Variants in CMSS1 observed in about 807,000 individuals in gnomAD.
The protein encoded by CMSS1 is protein CMSS1.
Under a neutral mutation model 43.5 loss-of-function variants are expected in CMSS1, and 33 were observed. The ratio of observed to expected loss-of-function variants is 0.76; its 90% CI spans 0.57 to 1.01. CMSS1 has a LOEUF of 1.01. Among genes scored for constraint, CMSS1 ranks in the 50% least tolerant of loss-of-function variants. The probability of loss-of-function intolerance (pLI) is 0.00; values close to 1 mark genes in which losing one functional copy is unlikely to be tolerated. For synonymous variants in CMSS1, 115 were observed against 117.2 expected (o/e 0.98, Z 0.12); for missense variants, 313 against 326.4 (o/e 0.96, Z 0.32).
At chr3:99,917,218 C>G (rs1301118620) in intron 1 of CMSS1, among the ~76,000 whole-genome samples, 1 of 152,136 alleles carries the variant, frequency 6.6e-6, no homozygotes, top group South Asian at 2.1e-4. Flanking sequence ...TGTGTTTAAT[C>G]TCCTTTTTGC....
At chr3:100,110,577 C>A (rs146110019) in intron 1 of CMSS1, among the ~76,000 whole-genome samples, 1 of 151,884 alleles carries the variant, frequency 6.6e-6, no homozygotes, top group African/African-American at 2.4e-5. Flanking sequence ...CCAGGAAGAA[C>A]GTAAAAAAAG....
chr3:100,127,260 A>G (rs1469475390), intron 1 of CMSS1, among the ~76,000 whole-genome samples: 1 of 152,208 alleles, frequency 6.6e-6, no homozygotes, highest in Non-Finnish European at 1.5e-5. Flanking sequence ...GCAATTCTCC[A>G]TTGCCAAACC....
chr3:99,859,723 G>T (rs563462042), intron 1 of CMSS1, among the ~76,000 whole-genome samples: 28 of 152,252 alleles, frequency 1.8e-4, no homozygotes, highest in Admixed American at 8.5e-4. Flanking sequence ...CTAGCAGTTT[G>T]CAGAGTAATT....
intron 1 of CMSS1, among the ~76,000 whole-genome samples, chr3:100,003,647 G>A (rs1408926692): frequency 6.6e-6 from 1 of 151,910 alleles, no homozygotes; most frequent in Non-Finnish European, 1.5e-5. Flanking sequence ...TTGTGTACTC[G>A]AGAAGTTTTT....
intron 1 of CMSS1, among the ~76,000 whole-genome samples, chr3:99,819,957 G>T (rs1942401195): frequency 6.6e-6 from 1 of 151,818 alleles, no homozygotes. Context: ...GTTTCACCAT[G>T]TTGGCCAGGC....
intron 1 of CMSS1, among the ~76,000 whole-genome samples, chr3:100,014,258 T>C (rs1333309243): frequency 1.3e-5 from 2 of 151,938 alleles, no homozygotes; most frequent in African/African-American, 4.8e-5. Context: ...GACACCTAAG[T>C]TGATTCCACA....
At chr3:100,156,686 G>T (rs911662745) in intron 2 of CMSS1, among the ~76,000 whole-genome samples, 1 of 151,718 alleles carries the variant, frequency 6.6e-6, no homozygotes, top group African/African-American at 2.4e-5. Context: ...CACGATCTTG[G>T]CTCACTGCAA....
At chr3:99,919,087 C>A (rs987832313) in intron 1 of CMSS1, among the ~76,000 whole-genome samples, 1 of 152,044 alleles carries the variant, frequency 6.6e-6, no homozygotes, top group Admixed American at 6.6e-5. Flanking sequence ...TTTATACCCA[C>A]TGTGTATTGC....
At chr3:99,955,228 A>G (rs1241577864) in intron 1 of CMSS1, among the ~76,000 whole-genome samples, 1 of 152,210 alleles carries the variant, frequency 6.6e-6, no homozygotes, top group Non-Finnish European at 1.5e-5. Context: ...CTGTAGTAAT[A>G]AAGTGGCATG....
intron 1 of CMSS1, among the ~76,000 whole-genome samples, chr3:100,104,762 A>C (rs2066366543): frequency 6.6e-6 from 1 of 152,176 alleles, no homozygotes; most frequent in South Asian, 2.1e-4. Flanking sequence ...TCATCAAGAG[A>C]AACTCAGAAA....
intron 1 of CMSS1, among the ~76,000 whole-genome samples, chr3:99,825,959 A>G (rs1319864282): frequency 6.6e-6 from 1 of 151,302 alleles, no homozygotes; most frequent in African/African-American, 2.4e-5. Flanking sequence ...TTGTATTTTT[A>G]GTAGAGGGGG....
chr3:100,128,391 CA>C (rs907361908), intron 1 of CMSS1, among the ~76,000 whole-genome samples: 1 of 151,966 alleles, frequency 6.6e-6, no homozygotes, highest in Non-Finnish European at 1.5e-5. Flanking sequence ...ATTAAGACAC[CA>C]AAAAAATCCA....
At chr3:99,953,987 T>A in intron 1 of CMSS1, among the ~76,000 whole-genome samples, 1 of 152,226 alleles carries the variant, frequency 6.6e-6, no homozygotes, top group East Asian at 1.9e-4. Context: ...TTCTTAGAAG[T>A]TGCATTCCTT....
chr3:100,079,781 T>C (rs1221868189), intron 1 of CMSS1, among the ~76,000 whole-genome samples: 1 of 152,130 alleles, frequency 6.6e-6, no homozygotes, highest in Non-Finnish European at 1.5e-5. Context: ...ACTACCGTTT[T>C]ACAATTTCTA....
At chr3:99,933,246 C>T (rs1707545125) in intron 1 of CMSS1, among the ~76,000 whole-genome samples, 1 of 152,084 alleles carries the variant, frequency 6.6e-6, no homozygotes, top group African/African-American at 2.4e-5. Flanking sequence ...CCGAAAAATG[C>T]CTATAGCCTT....
intron 1 of CMSS1, among the ~76,000 whole-genome samples, chr3:100,142,711 T>C (rs2066815076): frequency 6.6e-6 from 1 of 152,218 alleles, no homozygotes; most frequent in Non-Finnish European, 1.5e-5. Flanking sequence ...TGACATTTAT[T>C]TGTAGGTCAT....
intron 1 of CMSS1, among the ~76,000 whole-genome samples, chr3:100,121,170 G>T (rs769356334): frequency 3.7e-4 from 56 of 152,000 alleles, no homozygotes; most frequent in Non-Finnish European, 7.6e-4. Context: ...GTATACACGT[G>T]TCATGGTGGT....
intron 1 of CMSS1, chr3:100,011,886 T>C (rs1710166900): frequency 6.6e-6 from 1 of 152,228 alleles, no homozygotes; most frequent in African/African-American, 2.4e-5. Flanking sequence ...TTTAGTATTA[T>C]AATATTAAAA....
At chr3:100,094,549 G>T (rs1015149330) in intron 1 of CMSS1, among the ~76,000 whole-genome samples, 3 of 150,624 alleles carry the variant, frequency 2.0e-5, no homozygotes, top group African/African-American at 7.3e-5. Flanking sequence ...AGAATTTTAT[G>T]TTTTACATTT....
Sources: gnomAD v4.1 joint callset for allele counts (sites outside exome capture counted in the v4.1 genomes callset) on GRCh38, gnomAD v4.1.1 for gene constraint, MANE v1.5 for transcripts, NCBI Gene and HGNC (gene_info 2026-07-23, HGNC 2026-07-21) for gene names.